Variants in SCYL2 observed in about 807,000 individuals in gnomAD.
The protein encoded by SCYL2 is SCY1 like pseudokinase 2.
A neutral mutation model predicts 100.4 loss-of-function variants in SCYL2; 36 were observed. That is an observed-to-expected ratio of 0.36 (90% CI 0.27 to 0.47). SCYL2 has a LOEUF of 0.47. Among genes scored for constraint, SCYL2 ranks in the 20% least tolerant of loss-of-function variants. The pLI is 1.00. For synonymous variants in SCYL2, 330 were observed against 359.2 expected (o/e 0.92, Z 0.92); for missense variants, 902 against 1,083.9 (o/e 0.83, Z 2.36).
intron 13 of SCYL2, among the ~76,000 whole-genome samples, chr12:100,333,281 G>A (rs1233356023): frequency 1.3e-5 from 2 of 152,142 alleles, no homozygotes; most frequent in Non-Finnish European, 2.9e-5. Flanking sequence ...AGAAAAGGGT[G>A]CAGACTTTGG....
At chr12:100,276,349 G>T (rs1437660008) in intron 1 of SCYL2, among the ~76,000 whole-genome samples, 1 of 151,618 alleles carries the variant, frequency 6.6e-6, no homozygotes, top group Non-Finnish European at 1.5e-5. Flanking sequence ...TTTTATTTTT[G>T]AAATAGGATC....
rs940364770 is a variant in SCYL2, at chr12:100,267,712, C to T, written c.-109C>T. On this transcript the variant is annotated 5_prime_UTR_variant, in exon 1 of 18. Coordinates refer to ENST00000360820, the MANE Select transcript of SCYL2 (RefSeq NM_017988.6). ...AGTCAGCTGCCGGAGGGAGAGCCCC[C>T]CATGCCGGCTCGAGAGCTCGGGTTT... The T allele has an allele frequency of 6.6e-6, 1 of 152,460 alleles. No individual in the cohort carries two copies. Among genetic ancestry groups the T allele is most frequent in the Admixed American group, 6.5e-5 (1 of 15,284 alleles). The allele number at this position is 152,460 out of a possible 1,614,324, so 9.4% of individuals were successfully genotyped here.
At position 100,309,089 on chromosome 12, in the gene SCYL2, T is replaced by G. The variant is rs78932800; in HGVS notation, c.481-1955T>G. On this transcript the variant is annotated intron_variant, in intron 4 of 17. Transcript: ENST00000360820. ...CCAGGTACTGTGAGTGCTCACCTGA[T>G]TTTTGGGTATTTTGATTTGTGTGTG... is the stretch of plus-strand genomic sequence containing the variant. Among the ~76,000 whole-genome samples the G allele has an allele frequency of 5.7e-3, 850 of 150,234 alleles. 8 individuals carry two copies. Among genetic ancestry groups the G allele is most frequent in the African/African-American group, 0.02 (810 of 40,718 alleles).
intron 2 of SCYL2, among the ~76,000 whole-genome samples, chr12:100,287,677 ATTTTG>A (rs1169152805): frequency 1.3e-5 from 2 of 152,160 alleles, no homozygotes; most frequent in African/African-American, 4.8e-5. Flanking sequence ...TATTGCTTAT[ATTTTG>A]TTCTAATAAT....
intron 10 of SCYL2, among the ~76,000 whole-genome samples, chr12:100,322,290 G>A (rs1431965050): frequency 2.1e-5 from 3 of 145,746 alleles, no homozygotes; most frequent in South Asian, 2.2e-4. Context: ...GGAGAATGGC[G>A]TGAACCCGGG....
intron 3 of SCYL2, among the ~76,000 whole-genome samples, chr12:100,294,393 C>A (rs1231463238): frequency 1.7e-4 from 20 of 114,690 alleles, no homozygotes; most frequent in East Asian, 2.8e-4. Flanking sequence ...CTGACCCCCC[C>A]ACCTCCCTCC....
chr12:100,337,426 GAAC>G lies in SCYL2; in HGVS notation c.2068_2070del (p.Gln690del). On this transcript the variant is annotated inframe_deletion, in exon 17 of 18. Transcript: ENST00000360820. ...TGAAGAAAAACAAAAATTAGCAAAA[GAAC>G]AAGAGCAGGCACAGAAGCTGAAAAG... 6.2e-7 allele frequency: 1 copy of G among 1,605,572 alleles called. No homozygotes were observed. Among genetic ancestry groups the G allele is most frequent in the Non-Finnish European group, 8.5e-7 (1 of 1,178,064 alleles).
At position 100,332,634 on chromosome 12, in the gene SCYL2, G is replaced by A. The variant is rs192004517; in HGVS notation, c.1762-1532G>A. Among the ~76,000 whole-genome samples the A allele has an allele frequency of 5.1e-4, 77 of 152,236 alleles. 1 individual carries two copies. The highest frequency in any genetic ancestry group is 1.8e-3 in the African/African-American group (76 of 41,560). On this transcript the variant is annotated intron_variant, in intron 13 of 17. Coordinates refer to ENST00000360820, the MANE Select transcript of SCYL2 (RefSeq NM_017988.6). ...AGAATAAAGTTTACCCAAAGAGTAT[G>A]AGGGTGGAAAATGACTGGAAGGGGG...
chr12:100,309,390 C>T (rs1394792171), intron 4 of SCYL2, among the ~76,000 whole-genome samples: 1 of 152,160 alleles, frequency 6.6e-6, no homozygotes, highest in Non-Finnish European at 1.5e-5. Flanking sequence ...TCCAACTCCT[C>T]CTCCCTTCCT....
chr12:100,322,246 G>T (rs1278822819), intron 10 of SCYL2, among the ~76,000 whole-genome samples: 1 of 148,980 alleles, frequency 6.7e-6, no homozygotes, highest in Non-Finnish European at 1.5e-5. Flanking sequence ...GGTGGCGGGC[G>T]CCTGTAGTCC....
At chr12:100,316,001 GTTCT>G (rs145043082) in intron 9 of SCYL2, among the ~76,000 whole-genome samples, 4,858 of 152,278 alleles carry the variant, frequency 0.032, 93 homozygotes, top group African/African-American at 0.057. Flanking sequence ...GTGTTATACT[GTTCT>G]TTATGTACCA....
rs912083402 is a variant in SCYL2 at position 100,340,671 on chromosome 12, C to T, written c.*1499C>T. On this transcript the variant is annotated 3_prime_UTR_variant, in exon 18 of 18. Transcript: ENST00000360820. ...AATTTAATTATATTATTGCTGGCAG[C>T]ATTCAGTTAAGAGGGTACTTTAAAA... 4.7e-4 allele frequency: 72 copies of T among 152,132 alleles called. No homozygotes were observed. The highest frequency in any genetic ancestry group is 1.7e-3 in the African/African-American group (70 of 41,558). The allele number at this position is 152,132 out of a possible 1,614,324, so 9.4% of individuals were successfully genotyped here. A position where few individuals can be genotyped will look rare whatever the true frequency, so the allele number is the denominator to read the frequency against.
intron 16 of SCYL2, 116 bp from the exon 17 acceptor site, chr12:100,337,271 A>G: frequency 1.6e-6 from 2 of 1,251,598 alleles, no homozygotes; most frequent in South Asian, 1.3e-5. Flanking sequence ...CCAAGACAAG[A>G]GTAGTTTGCT....
chr12:100,315,555 C>T lies in SCYL2; in HGVS notation c.1096-3C>T, dbSNP rs1304996652. ...TTTTTTAAAAAACATTTTTGCCTTT[C>T]AGCGTGTCATTGTGCAGAGAATTTT... On this transcript the variant is annotated splice_region_variant and splice_polypyrimidine_tract_variant and intron_variant, in intron 8 of 17. Transcript: ENST00000360820. 1.3e-6 allele frequency: 2 copies of T among 1,564,884 alleles called. No individual in the cohort carries two copies. Among genetic ancestry groups the T allele is most frequent in the Non-Finnish European group, 1.7e-6 (2 of 1,160,080 alleles).
chr12:100,319,160 G>C, intron 10 of SCYL2: 1 of 453,106 alleles, frequency 2.2e-6, no homozygotes, highest in East Asian at 7.0e-5. Context: ...GTCTTTGTCT[G>C]CTAAGTTATT....
chr12:100,317,840 T>TA lies in SCYL2; in HGVS notation c.1312dup (p.Thr438AsnfsTer6). ...TTCCTACAAAAAATGGATTTGCTAC[T>TA]AACCAAAACCCCTCCTGATGAGATA... On this transcript the variant is annotated frameshift_variant, in exon 10 of 18. Transcript: ENST00000360820. LOFTEE classifies it high-confidence loss of function. 1 of 1,605,786 alleles carries TA rather than the reference T, an allele frequency of 6.2e-7. No individual in the cohort carries two copies. Among genetic ancestry groups the TA allele is most frequent in the Non-Finnish European group, 8.5e-7 (1 of 1,178,362 alleles).
chr12:100,314,743 C>T, intron 8 of SCYL2, 129 bp downstream of exon 8: 2 of 931,564 alleles, frequency 2.1e-6, no homozygotes, highest in Admixed American at 3.4e-5. Context: ...CTATAAAACA[C>T]TGCCAACTGA....
chr12:100,293,526 TTTTA>T (rs1297437252), intron 3 of SCYL2, among the ~76,000 whole-genome samples: 1 of 152,128 alleles, frequency 6.6e-6, no homozygotes, highest in Non-Finnish European at 1.5e-5. Context: ...CATGTTTTTT[TTTTA>T]TTTATTTTTT....
chr12:100,306,052 T>C (rs961609905), intron 4 of SCYL2, among the ~76,000 whole-genome samples: 3 of 151,856 alleles, frequency 2.0e-5, no homozygotes, highest in African/African-American at 7.3e-5. Context: ...ACCAGATGGG[T>C]TCACAACCAA....
Sources: allele counts gnomAD v4.1 joint callset (sites outside exome capture counted in the v4.1 genomes callset), GRCh38; gene constraint gnomAD v4.1.1; transcripts MANE v1.5; gene names NCBI Gene and HGNC (gene_info 2026-07-23, HGNC 2026-07-21).